The following ZNF385B variants were observed in gnomAD, a reference collection of about 807,000 sequenced individuals.
The protein encoded by ZNF385B is zinc finger protein 533.
Under a neutral mutation model 39.2 loss-of-function variants are expected in ZNF385B, and 23 were observed. That is an observed-to-expected ratio of 0.59 (90% confidence interval 0.42 to 0.83). The LOEUF (loss-of-function observed/expected upper bound fraction) is 0.83, where lower values mean the gene tolerates loss of function less well. Ranked by LOEUF, ZNF385B falls within the 40% of genes least tolerant of loss-of-function variation. The probability of loss-of-function intolerance (pLI) is 0.00; values close to 1 mark genes in which losing one functional copy is unlikely to be tolerated. For missense variants in ZNF385B, 552 were observed against 598.9 expected, an observed-to-expected ratio of 0.92 and a Z score of 0.82; for synonymous variants, 205 against 222.6, an observed-to-expected ratio of 0.92 and a Z score of 0.70.
chr2:179,796,386 A>G (rs1705667054), intron 1 of ZNF385B: 1 of 152,152 alleles, frequency 6.6e-6, no homozygotes, highest in South Asian at 2.1e-4. Flanking sequence ...GTTTCTTACT[A>G]GATTCCCCCA....
At chr2:179,753,762 C>A (rs201504372) in intron 3 of ZNF385B, among the ~76,000 whole-genome samples, 1 of 151,960 alleles carries the variant, frequency 6.6e-6, no homozygotes, top group African/African-American at 2.4e-5. Flanking sequence ...AGAATGCTTG[C>A]GATTTTTGCA....
intron 3 of ZNF385B, among the ~76,000 whole-genome samples, chr2:179,593,006 C>T (rs1368720998): frequency 6.6e-6 from 1 of 152,150 alleles, no homozygotes; most frequent in Middle Eastern, 3.4e-3. Flanking sequence ...TCCAACCCAC[C>T]ATAAAAAGTT....
chr2:179,526,843 G>A (rs2058936662), intron 4 of ZNF385B, among the ~76,000 whole-genome samples: 2 of 152,200 alleles, frequency 1.3e-5, no homozygotes, highest in Non-Finnish European at 2.9e-5. Context: ...AGGGTCAAAT[G>A]TTTGGGGAGA....
rs148631744 is a variant in ZNF385B at position 179,696,516 on chromosome 2, T to C, written c.298+72987A>G. Among the ~76,000 whole-genome samples, 496 of 151,990 alleles carry C rather than the reference T, an allele frequency of 3.3e-3. 2 individuals are homozygous for C. The highest frequency in any genetic ancestry group is 0.011 in the African/African-American group (475 of 41,438). ...AAAGCACAAGTAAAACAATATATCC[T>C]AATGAAATGGCTAGGAAAATGTCTT... On this transcript the variant is annotated intron_variant, in intron 3 of 9. Transcript: ENST00000410066.
chr2:179,559,159 T>C (rs763832025), intron 3 of ZNF385B, among the ~76,000 whole-genome samples: 1 of 152,134 alleles, frequency 6.6e-6, no homozygotes. Flanking sequence ...CTGTATAAAA[T>C]GAAGTAGAGT....
At chr2:179,626,559 A>G (rs534141462) in intron 3 of ZNF385B, among the ~76,000 whole-genome samples, 2 of 152,206 alleles carry the variant, frequency 1.3e-5, no homozygotes, top group Non-Finnish European at 2.9e-5. Flanking sequence ...TTTTAGTATT[A>G]GTGTCTGCAG....
At chr2:179,554,516 C>T (rs1056904949) in intron 3 of ZNF385B, among the ~76,000 whole-genome samples, 1 of 148,488 alleles carries the variant, frequency 6.7e-6, no homozygotes, top group Non-Finnish European at 1.5e-5. Context: ...AAAGGTAAAA[C>T]CGAAAATAGA....
intron 3 of ZNF385B, among the ~76,000 whole-genome samples, chr2:179,609,496 G>T (rs545884164): frequency 6.6e-6 from 1 of 152,238 alleles, no homozygotes; most frequent in East Asian, 1.9e-4. Context: ...ACTTAGGTTG[G>T]TTCCAAATCT....
intron 3 of ZNF385B, among the ~76,000 whole-genome samples, chr2:179,639,732 A>G (rs1350118352): frequency 6.6e-6 from 1 of 152,218 alleles, no homozygotes; most frequent in African/African-American, 2.4e-5. Flanking sequence ...GTAATAGCCA[A>G]TTCAGGCAAT....
intron 3 of ZNF385B, among the ~76,000 whole-genome samples, chr2:179,620,854 T>A (rs935772830): frequency 3.9e-5 from 6 of 152,194 alleles, no homozygotes; most frequent in African/African-American, 1.4e-4. Flanking sequence ...TTCTTTGTAC[T>A]TTTTTAAAAA....
chr2:179,665,650 A>G (rs1273903522), intron 3 of ZNF385B, among the ~76,000 whole-genome samples: 1 of 152,208 alleles, frequency 6.6e-6, no homozygotes, highest in Admixed American at 6.5e-5. Flanking sequence ...AACTGGACAC[A>G]TCAAAATAAT....
chr2:179,546,934 T>C (rs901094807), intron 3 of ZNF385B, among the ~76,000 whole-genome samples: 1 of 149,982 alleles, frequency 6.7e-6, no homozygotes, highest in Non-Finnish European at 1.5e-5. Flanking sequence ...TGGGGTGAGA[T>C]GATATCTCAT....
At chr2:179,700,333 G>A (rs989325662) in intron 3 of ZNF385B, among the ~76,000 whole-genome samples, 10 of 152,116 alleles carry the variant, frequency 6.6e-5, no homozygotes, top group African/African-American at 2.4e-4. Context: ...TCGCTCGTAT[G>A]GTATGGAATC....
At chr2:179,663,503 G>A (rs1694740639) in intron 3 of ZNF385B, among the ~76,000 whole-genome samples, 1 of 152,070 alleles carries the variant, frequency 6.6e-6, no homozygotes, top group Non-Finnish European at 1.5e-5. Flanking sequence ...GAGGTCAGGA[G>A]ATCGAGACCA....
chr2:179,826,157 C>T (rs1031939131), intron 1 of ZNF385B, among the ~76,000 whole-genome samples: 4 of 152,120 alleles, frequency 2.6e-5, no homozygotes, highest in African/African-American at 4.8e-5. Flanking sequence ...ACCACCCTCA[C>T]GTACAACAGA....
At chr2:179,468,604 CAG>C (rs1343790588) in intron 6 of ZNF385B, among the ~76,000 whole-genome samples, 1 of 152,130 alleles carries the variant, frequency 6.6e-6, no homozygotes, top group African/African-American at 2.4e-5. Context: ...ATAGAGGAAA[CAG>C]ATTCACAAGG....
intron 3 of ZNF385B, among the ~76,000 whole-genome samples, chr2:179,732,231 T>C (rs1328479130): frequency 6.6e-6 from 1 of 152,212 alleles, no homozygotes; most frequent in African/African-American, 2.4e-5. Flanking sequence ...TGTGTCCCAT[T>C]GGCTCAGCCA....
rs540429961 is a variant in ZNF385B, at chr2:179,635,647, G to A, written c.299-90678C>T. The stretch of plus-strand genomic sequence containing the variant: ...TAGCAAGTTATTTAAATATAAAAAA[G>A]CTAGAAATATAGAAATCACAAAATA... On this transcript the variant is annotated intron_variant, in intron 3 of 9. Coordinates refer to ENST00000410066, the MANE Select transcript of ZNF385B (RefSeq NM_152520.6). 3.0e-3 allele frequency among the ~76,000 whole-genome samples: 449 copies of A among 152,146 alleles called. 3 individuals are homozygous for A. The highest frequency in any genetic ancestry group is 6.6e-3 in the South Asian group (32 of 4,820).
rs1701588265 is a variant in ZNF385B at position 179,734,160 on chromosome 2, G to C, written c.298+35343C>G. On this transcript the variant is annotated intron_variant, in intron 3 of 9. Coordinates refer to ENST00000410066, the MANE Select transcript of ZNF385B (RefSeq NM_152520.6). ...CATAATTATTATCATCTATTGCTGA[G>C]TATTTTTTCCTGTATTTTTCTACTA... 2.6e-5 allele frequency among the ~76,000 whole-genome samples: 4 copies of C among 152,160 alleles called. No homozygotes were observed. The South Asian group carries it at 8.3e-4, about 32-fold the overall frequency.
Sources: allele counts gnomAD v4.1 joint callset (sites outside exome capture counted in the v4.1 genomes callset), GRCh38; gene constraint gnomAD v4.1.1; transcripts MANE v1.5; gene names NCBI Gene and HGNC (gene_info 2026-07-23, HGNC 2026-07-21).